HELZ: variants seen among roughly 807,000 people sequenced by gnomAD.
The protein encoded by HELZ is ATP-dependent RNA helicase with zinc finger domain.
Under a neutral mutation model 218.2 loss-of-function variants are expected in HELZ, and 23 were observed. The observed-to-expected ratio is 0.11, with a 90% CI of 0.08 to 0.15. HELZ has a LOEUF of 0.15. Among genes scored for constraint, HELZ ranks in the 10% least tolerant of loss-of-function variants. The pLI, the probability that HELZ is intolerant of heterozygous loss-of-function variation, is 1.00. For missense variants in HELZ, 1,813 were observed against 2,353.7 expected (o/e 0.77, Z 4.75); for synonymous variants, 814 against 829.4 (o/e 0.98, Z 0.32).
Position 67,128,692 on chromosome 17 carries a change from G to A in HELZ, c.3346C>T (p.His1116Tyr). The A allele has an allele frequency of 4.3e-6, 7 of 1,614,138 alleles. No homozygotes were observed. Among genetic ancestry groups the A allele is most frequent in the Non-Finnish European group, 5.9e-6 (7 of 1,180,002 alleles). The stretch of plus-strand genomic sequence containing the variant: ...TGCTGTTTGTTGGTACTTCCTGAAT[G>A]CTGCAGTCTTAGAGCCCGGGGGATA... ...EFIPRALRLQ[H>Y]SGSTNKQQQS... Residue 1116 changes from histidine to tyrosine, a missense_variant, in exon 24 of 33, where the codon CAT (histidine) becomes TAT (tyrosine). By Grantham distance (83) the His-to-Tyr change is moderately conservative. This residue lies in a region of HELZ where 938 missense variants were observed against 1,027.5 expected (regional missense o/e 0.91). Coordinates refer to ENST00000358691, the MANE Select transcript of HELZ (RefSeq NM_014877.4).
chr17:67,104,608 A>G (rs2037040985), intron 31 of HELZ, among the ~76,000 whole-genome samples: 2 of 152,130 alleles, frequency 1.3e-5, no homozygotes, highest in Admixed American at 1.3e-4. Flanking sequence ...TGAAAAGACA[A>G]CCCACACAGT....
chr17:67,189,531 A>C (rs2039840922), intron 11 of HELZ, 58 bp downstream of exon 11: 3 of 1,127,056 alleles, frequency 2.7e-6, no homozygotes, highest in Non-Finnish European at 4.0e-6. Flanking sequence ...CAAAGGTCAA[A>C]AAAACGTTCA....
At position 67,166,576 on chromosome 17, in the gene HELZ, G is replaced by T. The variant is rs1414269497; in HGVS notation, c.1797C>A (p.Pro599=). Residue 599 remains proline, a synonymous_variant, in exon 15 of 33, where the codon CCC becomes CCA. Coordinates refer to ENST00000358691, the MANE Select transcript of HELZ (RefSeq NM_014877.4). ...VELQFQLNRL[P]LCEMHYALDR... is the part of the protein sequence containing the mutation. The stretch of plus-strand genomic sequence containing the variant: ...CTAGTGCATAGTGCATTTCACAGAG[G>T]GGTAATCGATTTAATTGAAACTGAA... The T allele has an allele frequency of 6.2e-7, 1 of 1,613,086 alleles. No individual in the cohort carries two copies. Among genetic ancestry groups the T allele is most frequent in the East Asian group, 2.2e-5 (1 of 44,810 alleles).
In HELZ at chr17:67,190,162, T is replaced by C. The variant is rs1386851819; in HGVS notation, c.751A>G (p.Lys251Glu). The C allele has an allele frequency of 7.4e-6, 12 of 1,613,020 alleles. No individual in the cohort carries two copies. Among genetic ancestry groups the C allele is most frequent in the Non-Finnish European group, 9.3e-6 (11 of 1,179,030 alleles). ...ATGTAGCTTATTTTCCTCACCACTT[T>C]CTCAGGAGACAATGAATTCATCCAC... is the stretch of plus-strand genomic sequence containing the variant. ...EKWMNSLSPE[K>E]VLSECIEGVK... Residue 251 changes from lysine to glutamate, a missense_variant, in exon 10 of 33, where the codon AAA (lysine) becomes GAA (glutamate). Physicochemically the swap from Lys to Glu is moderately conservative, Grantham distance 56. This residue lies in a region of HELZ where 714 missense variants were observed against 1,029.2 expected (regional missense o/e 0.69). Coordinates refer to ENST00000358691, the MANE Select transcript of HELZ (RefSeq NM_014877.4).
intron 5 of HELZ, among the ~76,000 whole-genome samples, chr17:67,208,742 C>T (rs917204743): frequency 2.0e-5 from 3 of 151,518 alleles, no homozygotes; most frequent in Non-Finnish European, 4.4e-5. Flanking sequence ...CATGGCAAGA[C>T]ACCATTTCTA....
At position 67,073,935 on chromosome 17, in the gene HELZ, C is replaced by T. The variant is rs377679661; in HGVS notation, c.*4317G>A. ...CATATCATAATGAGCATTTTCAAGACTAACATGCCAGTTACTCTTTCAAGA... is the reference window on the plus strand; with the variant it reads ...CATATCATAATGAGCATTTTCAAGATTAACATGCCAGTTACTCTTTCAAGA... On this transcript the variant is annotated 3_prime_UTR_variant, in exon 33 of 33. Transcript: ENST00000358691. 1 of 152,254 alleles carries T rather than the reference C, an allele frequency of 6.6e-6. No homozygotes were observed. Among genetic ancestry groups the T allele is most frequent in the African/African-American group, 2.4e-5 (1 of 41,552 alleles). The allele number at this position is 152,254 out of a possible 1,614,324, so 9.4% of individuals were successfully genotyped here. A position where few individuals can be genotyped will look rare whatever the true frequency, so the allele number is the denominator to read the frequency against.
intron 12 of HELZ, 75 bp from the exon 13 acceptor site, chr17:67,179,001 T>A (rs1349207202): frequency 1.1e-6 from 1 of 948,132 alleles, no homozygotes; most frequent in Non-Finnish European, 1.5e-6. Flanking sequence ...AATTCTTAAC[T>A]ATATTACATA....
intron 31 of HELZ, among the ~76,000 whole-genome samples, chr17:67,101,111 G>GAA (rs34193245): frequency 1.0e-3 from 61 of 59,940 alleles, no homozygotes; most frequent in African/African-American, 2.7e-3. Context: ...CTCCGTCTCA[G>GAA]AAAAAAAAAA....
At chr17:67,087,621 A>G (rs183678515) in intron 31 of HELZ, among the ~76,000 whole-genome samples, 9 of 152,266 alleles carry the variant, frequency 5.9e-5, no homozygotes, top group Admixed American at 4.6e-4. Context: ...CTCCTGTCCA[A>G]CGTAAGTACT....
At chr17:67,115,113 C>T (rs1328748366) in intron 27 of HELZ, among the ~76,000 whole-genome samples, 1 of 151,874 alleles carries the variant, frequency 6.6e-6, no homozygotes, top group Non-Finnish European at 1.5e-5. Context: ...ATTATCATGC[C>T]AGAATTACCT....
chr17:67,078,646 C>A, intron 32 of HELZ, 60 bp from the exon 33 acceptor site: 1 of 1,217,662 alleles, frequency 8.2e-7, no homozygotes, highest in Non-Finnish European at 1.1e-6. Context: ...TCATGTGCCT[C>A]ATTCACTCAG....
intron 26 of HELZ, among the ~76,000 whole-genome samples, chr17:67,121,468 C>T (rs2143829821): frequency 6.6e-6 from 1 of 152,278 alleles, no homozygotes; most frequent in Non-Finnish European, 1.5e-5. Context: ...GCATGAATTA[C>T]GTATTTCTCA....
chr17:67,109,616 T>C lies in HELZ; in HGVS notation c.3989A>G (p.Lys1330Arg). The C allele has an allele frequency of 1.2e-6, 2 of 1,614,096 alleles. No individual in the cohort carries two copies. Among genetic ancestry groups the C allele is most frequent in the Non-Finnish European group, 1.7e-6 (2 of 1,180,008 alleles). Residue 1330 changes from lysine (K) to arginine (R), a missense_variant, in exon 29 of 33, where the codon AAA becomes AGA. This residue lies in a region of HELZ where 938 missense variants were observed against 1,027.5 expected (regional missense o/e 0.91). Transcript: ENST00000358691. ...GTTGAGATTATCTTTGCGAGGAAATTTGGTACTGGGATAAACAACACTAGG... is the reference window on the plus strand; with the variant it reads ...GTTGAGATTATCTTTGCGAGGAAATCTGGTACTGGGATAAACAACACTAGG... ...SRPSVVYPSTKFPRKDNLNPR... is the reference protein window; with the variant it reads ...SRPSVVYPSTRFPRKDNLNPR...
chr17:67,108,467 G>T lies in HELZ; in HGVS notation c.4724+25C>A. 1 of 1,560,304 alleles carries T rather than the reference G, an allele frequency of 6.4e-7. No individual in the cohort carries two copies. The highest frequency in any genetic ancestry group is 8.8e-7 in the Non-Finnish European group (1 of 1,132,088). ...AACAGTGAGGGGGTCGCATTCCAGGGGCTATTTTCAGTCCGCTGGAATACC... is the reference window on the plus strand; with the variant it reads ...AACAGTGAGGGGGTCGCATTCCAGGTGCTATTTTCAGTCCGCTGGAATACC... On this transcript the variant is annotated intron_variant, in intron 30 of 32. Transcript: ENST00000358691. The surrounding 1 kb of genome is among the most constrained non-coding windows in gnomAD (Gnocchi z 4.1).
intron 3 of HELZ, among the ~76,000 whole-genome samples, chr17:67,220,086 C>T (rs899857491): frequency 1.3e-5 from 2 of 152,190 alleles, no homozygotes; most frequent in African/African-American, 2.4e-5. Context: ...GCTGGCCTTA[C>T]GGTACTTCTT....
intron 3 of HELZ, chr17:67,224,447 T>C (rs1156907551): frequency 4.4e-6 from 1 of 228,456 alleles, no homozygotes; most frequent in Non-Finnish European, 8.7e-6. Context: ...GAAACTTTTT[T>C]CCAGCTTAAG....
chr17:67,101,283 G>A (rs574814772), intron 31 of HELZ, among the ~76,000 whole-genome samples: 66 of 152,126 alleles, frequency 4.3e-4, no homozygotes, highest in African/African-American at 1.3e-3. Context: ...TGGGACAGAG[G>A]AGGAGGAAAG....
At chr17:67,120,190 G>C (rs1369967940) in intron 27 of HELZ, among the ~76,000 whole-genome samples, 1 of 151,294 alleles carries the variant, frequency 6.6e-6, no homozygotes, top group African/African-American at 2.4e-5. Flanking sequence ...ATTTTTAGTA[G>C]AGATGGGATT....
At chr17:67,153,807 T>C (rs1003134752) in intron 17 of HELZ, among the ~76,000 whole-genome samples, 1 of 152,212 alleles carries the variant, frequency 6.6e-6, no homozygotes, top group Non-Finnish European at 1.5e-5. Context: ...AAAATAATTA[T>C]TTAAAAGGTA....
Sources: gnomAD v4.1 joint callset for allele counts (sites outside exome capture counted in the v4.1 genomes callset) on GRCh38, gnomAD v4.1.1 for gene constraint, gnomAD v4.1.1 regional missense constraint, Gnocchi (gnomAD v3.1) non-coding constraint, MANE v1.5 for transcripts, NCBI Gene and HGNC (gene_info 2026-07-23, HGNC 2026-07-21) for gene names.